IGF2: variants seen among roughly 807,000 people sequenced by gnomAD.
IGF2 encodes the protein insulin-like growth factor 2.
A neutral mutation model predicts 12.0 loss-of-function variants in IGF2; 2 were observed. The observed-to-expected ratio is 0.17, with a 90% CI of 0.07 to 0.52. The LOEUF (loss-of-function observed/expected upper bound fraction) is 0.52. Ranked by LOEUF, IGF2 falls within the 20% of genes least tolerant of loss-of-function variation. The pLI is 0.95. For synonymous variants in IGF2, 105 were observed against 110.1 expected (o/e 0.95, Z 0.29); for missense variants, 211 against 268.0 (o/e 0.79, Z 1.48).
At chr11:2,140,434 G>A, upstream of IGF2, 1 of 701,148 alleles carries the variant, frequency 1.4e-6, no homozygotes, top group Non-Finnish European at 2.3e-6. Context: ...GGAATCTCGC[G>A]CCCCCCTGGC....
chr11:2,137,999 C>G (rs1051044906), intron 1 of IGF2, among the ~76,000 whole-genome samples: 1 of 152,140 alleles, frequency 6.6e-6, no homozygotes, highest in Non-Finnish European at 1.5e-5. Flanking sequence ...TCCCGACGCC[C>G]CCACCCCACC....
Position 2,131,521 on chromosome 11 carries a change from C to T in IGF2, c.*1466G>A. The T allele has an allele frequency of 4.4e-6, 1 of 228,388 alleles. No homozygotes were observed. The highest frequency in any genetic ancestry group is 8.6e-6 in the Non-Finnish European group (1 of 116,662). 14.1% of individuals were successfully genotyped at this position (228,388 alleles called of 1,614,324 possible). ...GCTGTGAGCTGTGTTCATGTATGTG[C>T]TGCGCATGAGTGTGTGTGCTGTGTG... On this transcript the variant is annotated 3_prime_UTR_variant, in exon 4 of 4. Coordinates refer to ENST00000416167, the MANE Select transcript of IGF2 (RefSeq NM_000612.6).
At chr11:2,146,234 T>A, upstream of IGF2, 1 of 530,544 alleles carries the variant, frequency 1.9e-6, no homozygotes, top group Non-Finnish European at 3.8e-6. Flanking sequence ...TCATTCCCAT[T>A]TCCTCCCCAG....
chr11:2,140,632 G>A (rs767835036), upstream of IGF2: 3 of 509,536 alleles, frequency 5.9e-6, no homozygotes, highest in Non-Finnish European at 1.1e-5. Flanking sequence ...CCCCACAAAT[G>A]AGATCTTTGC....
chr11:2,147,858 GC>G, the IGF2 span: 2 of 1,200,268 alleles, frequency 1.7e-6, no homozygotes, highest in Middle Eastern at 2.8e-4. The surrounding 1 kb of genome is among the most constrained non-coding windows in gnomAD (Gnocchi z 7.2). Context: ...TAAAAGCAAA[GC>G]CCCCCTCCCC....
chr11:2,136,570 C>G (rs1859071844), intron 1 of IGF2, among the ~76,000 whole-genome samples: 1 of 152,270 alleles, frequency 6.6e-6, no homozygotes, highest in Non-Finnish European at 1.5e-5. Flanking sequence ...TGGAACCCTC[C>G]AGGCGGGCAG....
rs1037861952 is a variant in IGF2 at position 2,130,203 on chromosome 11, G to A, written c.*2784C>T. On this transcript the variant is annotated 3_prime_UTR_variant, in exon 4 of 4. Transcript: ENST00000416167. The stretch of plus-strand genomic sequence containing the variant: ...CTCCGGCCAGCCTCAGGCCAGCCAG[G>A]AGCCCCCTCCTGTGGCCTCCGAGCA... The A allele has an allele frequency of 2.6e-5, 6 of 231,132 alleles. No homozygotes were observed. The highest frequency in any genetic ancestry group is 1.3e-3 in the Middle Eastern group (1 of 792). 14.3% of individuals were successfully genotyped at this position (231,132 alleles called of 1,614,324 possible).
chr11:2,134,362 A>T (rs1858839731), intron 2 of IGF2, among the ~76,000 whole-genome samples: 1 of 152,180 alleles, frequency 6.6e-6, no homozygotes, highest in South Asian at 2.1e-4. Context: ...CCTCTCAGGA[A>T]AGCCTGGTGC....
At position 2,133,289 on chromosome 11, in the gene IGF2, CTGACCTGACAGGCCACCCCTG is replaced by C; in HGVS notation, c.307-87_307-67del. 1 of 1,220,542 alleles carries C rather than the reference CTGACCTGACAGGCCACCCCTG, an allele frequency of 8.2e-7. No individual in the cohort carries two copies. The highest frequency in any genetic ancestry group is 1.1e-6 in the Non-Finnish European group (1 of 877,902). 75.6% of individuals were successfully genotyped at this position (1,220,542 alleles called of 1,614,324 possible). A position where few individuals can be genotyped will look rare whatever the true frequency, so the allele number is the denominator to read the frequency against. On this transcript the variant is annotated intron_variant, in intron 3 of 3. Transcript: ENST00000416167. This position sits in a 1 kb window ranked among gnomAD's most constrained non-coding sequence, Gnocchi z 8.9. ...ACGCTCTTCCGCCTGAGCCGCCCGC[CTGACCTGACAGGCCACCCCTG>C]TGACTGATCAGTGACTTGAGCTAAT... is the stretch of plus-strand genomic sequence containing the variant.
rs1065715 is a variant in IGF2 at position 2,129,329 on chromosome 11, C to A, written c.*3658G>T. On this transcript the variant is annotated 3_prime_UTR_variant, in exon 4 of 4. Transcript: ENST00000416167. The surrounding 1 kb of genome is among the most constrained non-coding windows in gnomAD (Gnocchi z 8.1). ...GCAGAGGAGGGGACCCAAGAGGGGG[C>A]CCCCCACTGAAGACATTGGGGACAC... 2 of 218,992 alleles carry A rather than the reference C, an allele frequency of 9.1e-6. No individual in the cohort carries two copies. The highest frequency in any genetic ancestry group is 1.8e-5 in the Non-Finnish European group (2 of 109,124). The allele number at this position is 218,992 out of a possible 1,614,324, so 13.6% of individuals were successfully genotyped here.
chr11:2,148,288 C>G, the IGF2 span: 2,507 of 155,036 alleles, frequency 0.016, 57 homozygotes, highest in African/African-American at 0.055. This position sits in a 1 kb window ranked among gnomAD's most constrained non-coding sequence, Gnocchi z 4.3. Flanking sequence ...TGAGGGACGG[C>G]GTGGCTGTGC....
rs200385877 is a variant in IGF2 at position 2,132,659 on chromosome 11, G to T, written c.*328C>A. 1.1e-4 allele frequency: 8 copies of T among 75,570 alleles called. No individual in the cohort carries two copies. Among genetic ancestry groups the T allele is most frequent in the Middle Eastern group, 6.1e-3 (1 of 164 alleles). 4.7% of individuals were successfully genotyped at this position (75,570 alleles called of 1,614,324 possible). ...AATTAGTTTTAAGAGGGTTGTTGTG[G>T]GGGGGGGGGAAGGGGGTTAGTTTAA... On this transcript the variant is annotated 3_prime_UTR_variant, in exon 4 of 4. Coordinates refer to ENST00000416167, the MANE Select transcript of IGF2 (RefSeq NM_000612.6).
the IGF2 span, chr11:2,149,065 C>G: frequency 6.7e-7 from 1 of 1,502,248 alleles, no homozygotes; most frequent in Non-Finnish European, 9.2e-7. Flanking sequence ...CCGGCCCACC[C>G]ACGCCTGAAC....
In IGF2 at chr11:2,129,324, G is replaced by C; in HGVS notation, c.*3663C>G. 1 of 218,610 alleles carries C rather than the reference G, an allele frequency of 4.6e-6. No individual in the cohort carries two copies. The highest frequency in any genetic ancestry group is 9.2e-6 in the Non-Finnish European group (1 of 108,774). The allele number at this position is 218,610 out of a possible 1,614,324, so 13.5% of individuals were successfully genotyped here. On this transcript the variant is annotated 3_prime_UTR_variant, in exon 4 of 4. Coordinates refer to ENST00000416167, the MANE Select transcript of IGF2 (RefSeq NM_000612.6). This position sits in a 1 kb window ranked among gnomAD's most constrained non-coding sequence, Gnocchi z 8.1. ...TGATGGCAGAGGAGGGGACCCAAGA[G>C]GGGGCCCCCCACTGAAGACATTGGG... is the stretch of plus-strand genomic sequence containing the variant.
Position 2,139,059 on chromosome 11 carries a change from AGC to A in IGF2, c.-839_-838del, listed in dbSNP as rs1019946032. On this transcript the variant is annotated 5_prime_UTR_variant, in exon 1 of 4. Coordinates refer to ENST00000416167, the MANE Select transcript of IGF2 (RefSeq NM_000612.6). ...GCGCCGGGGGGAGGGCTGGAGGGGG[AGC>A]GCGGGGGGGGGTGACAACGCCGGCG... The A allele has an allele frequency of 1.0e-4, 2 of 19,768 alleles. No individual in the cohort carries two copies. The highest frequency in any genetic ancestry group is 1.1e-3 in the African/African-American group (2 of 1,770). The allele number at this position is 19,768 out of a possible 1,614,324, so 1.2% of individuals were successfully genotyped here.
At chr11:2,142,854 G>A (rs1859683637), upstream of IGF2, among the ~76,000 whole-genome samples, 1 of 152,130 alleles carries the variant, frequency 6.6e-6, no homozygotes, top group African/African-American at 2.4e-5. This position sits in a 1 kb window ranked among gnomAD's most constrained non-coding sequence, Gnocchi z 5.7. Context: ...AGAGGGACCC[G>A]GGAGACCCTG....
Position 2,133,212 on chromosome 11 carries a change from G to A in IGF2, c.318C>T (p.Pro106=). 6.5e-7 allele frequency: 1 copy of A among 1,549,926 alleles called. No homozygotes were observed. Among genetic ancestry groups the A allele is most frequent in the Non-Finnish European group, 8.7e-7 (1 of 1,146,256 alleles). ...TPPTVLPDNF[P]RYPVGKFFQY... ...GGAAGAACTTGCCCACGGGGTATCTGGGGAAGTTGTCCTGGGAGGGGAAGG... is the reference window on the plus strand; with the variant it reads ...GGAAGAACTTGCCCACGGGGTATCTAGGGAAGTTGTCCTGGGAGGGGAAGG... The change falls in exon 4 of 4, where the codon CCC becomes CCT. Residue 106 remains proline (P), a synonymous_variant. Coordinates refer to ENST00000416167, the MANE Select transcript of IGF2 (RefSeq NM_000612.6). The surrounding 1 kb of genome is among the most constrained non-coding windows in gnomAD (Gnocchi z 8.9).
chr11:2,137,533 G>GC (rs1287426291), intron 1 of IGF2, among the ~76,000 whole-genome samples: 1 of 151,924 alleles, frequency 6.6e-6, no homozygotes, highest in Non-Finnish European at 1.5e-5. Context: ...CAGTGAAGGG[G>GC]GGGGGGGTCT....
In IGF2 at chr11:2,133,104, G is replaced by A. The variant is rs372036269; in HGVS notation, c.426C>T (p.Leu142=). 148 of 1,607,800 alleles carry A rather than the reference G, an allele frequency of 9.2e-5. No homozygotes were observed. The highest frequency in any genetic ancestry group is 1.7e-4 in the Middle Eastern group (1 of 6,026). The stretch of plus-strand genomic sequence containing the variant: ...CCCTGAACGCCTCGAGCTCCTTGGC[G>A]AGCACGTGACCCCGGCGGGCACGCA... ...ALLRARRGHV[L]AKELEAFREA... is the part of the protein sequence containing the mutation. The change falls in exon 4 of 4, where the codon CTC becomes CTT. Residue 142 remains leucine, a synonymous_variant. Transcript: ENST00000416167. The surrounding 1 kb of genome is among the most constrained non-coding windows in gnomAD (Gnocchi z 8.9).
Sources: allele counts gnomAD v4.1 joint callset (sites outside exome capture counted in the v4.1 genomes callset), GRCh38; gene constraint gnomAD v4.1.1; non-coding constraint Gnocchi (gnomAD v3.1); transcripts MANE v1.5; gene names NCBI Gene and HGNC (gene_info 2026-07-23, HGNC 2026-07-21).